BICD1: variants seen among roughly 807,000 people sequenced by gnomAD.
The protein encoded by BICD1 is BICD cargo adaptor 1, also known as protein bicaudal D homolog 1.
In BICD1, 35 loss-of-function variants were observed where a neutral mutation model predicts 92.5. The observed-to-expected ratio is 0.38, with a 90% CI of 0.29 to 0.50. The LOEUF (loss-of-function observed/expected upper bound fraction) is 0.50, where lower values mean the gene tolerates loss of function less well. Among genes scored for constraint, BICD1 ranks in the 20% least tolerant of loss-of-function variants. The pLI is 0.93. For missense variants in BICD1, 950 were observed against 1,189.8 expected (o/e 0.80, Z 2.97); for synonymous variants, 429 against 465.1 (o/e 0.92, Z 1.00).
intron 5 of BICD1, among the ~76,000 whole-genome samples, chr12:32,329,180 C>T (rs1937715346): frequency 2.6e-5 from 4 of 152,184 alleles, no homozygotes; most frequent in Admixed American, 2.0e-4. Context: ...TCTCTGCTCA[C>T]TGCAACCTCC....
rs78205955 is a variant in BICD1, at chr12:32,138,674, T to C, written c.213+31130T>C. On this transcript the variant is annotated intron_variant, in intron 1 of 9. Coordinates refer to ENST00000652176, the MANE Select transcript of BICD1 (RefSeq NM_001714.4). ...TTGTGTTAGGTGATTTTTGCCCAAA[T>C]ATAGGCTAATGTAAGTGTTTTGAGC... is the stretch of plus-strand genomic sequence containing the variant. 9.4e-3 allele frequency among the ~76,000 whole-genome samples: 1,438 copies of C among 152,314 alleles called. 24 individuals carry two copies. Among genetic ancestry groups the C allele is most frequent in the African/African-American group, 0.033 (1,361 of 41,560 alleles).
intron 2 of BICD1, among the ~76,000 whole-genome samples, chr12:32,222,888 A>G (rs752784265): frequency 3.3e-5 from 5 of 152,218 alleles, no homozygotes; most frequent in Admixed American, 2.6e-4. Flanking sequence ...CTCACCAGAC[A>G]CTGAACCTGC....
chr12:32,152,256 C>CTT (rs34386503), intron 1 of BICD1, among the ~76,000 whole-genome samples: 23,757 of 146,002 alleles, frequency 0.16, 2,003 homozygotes, highest in East Asian at 0.3. Context: ...TTTTTTTTAA[C>CTT]TTTTTTTTTT....
intron 4 of BICD1, among the ~76,000 whole-genome samples, chr12:32,308,959 C>T (rs1308389776): frequency 1.3e-5 from 2 of 152,120 alleles, no homozygotes; most frequent in African/African-American, 4.8e-5. Context: ...ACAACACTAA[C>T]TGTAAATTTT....
intron 1 of BICD1, among the ~76,000 whole-genome samples, chr12:32,149,020 CA>C (rs35156666): frequency 6.8e-6 from 1 of 147,024 alleles, no homozygotes. Flanking sequence ...GCTCTGTCTC[CA>C]AAAAAAAAAA....
At chr12:32,314,748 G>C (rs949818316) in intron 4 of BICD1, among the ~76,000 whole-genome samples, 2 of 147,248 alleles carry the variant, frequency 1.4e-5, no homozygotes, top group African/African-American at 2.5e-5. Flanking sequence ...GGTGTCCTTT[G>C]ATGTACAAAG....
intron 1 of BICD1, among the ~76,000 whole-genome samples, chr12:32,189,758 G>GT (rs1378434870): frequency 6.6e-6 from 1 of 151,222 alleles, no homozygotes; most frequent in Non-Finnish European, 1.5e-5. Flanking sequence ...GAGTGCAGTG[G>GT]TGCAATCTCG....
rs75485151 is a variant in BICD1, at chr12:32,279,528, A to T, written c.427-14466A>T. ...AATAATGTGTTCTTTTGCACAAAGA[A>T]GAAAAAATAGAAATCAGAATGTAAG... is the stretch of plus-strand genomic sequence containing the variant. On this transcript the variant is annotated intron_variant, in intron 2 of 9. Coordinates refer to ENST00000652176, the MANE Select transcript of BICD1 (RefSeq NM_001714.4). 7.7e-3 allele frequency among the ~76,000 whole-genome samples: 1,171 copies of T among 152,376 alleles called. 15 individuals carry two copies. The highest frequency in any genetic ancestry group is 0.027 in the African/African-American group (1,121 of 41,588).
chr12:32,183,403 T>G (rs1475170761), intron 1 of BICD1, among the ~76,000 whole-genome samples: 1 of 152,036 alleles, frequency 6.6e-6, no homozygotes, highest in African/African-American at 2.4e-5. Flanking sequence ...TAGCTGAGAT[T>G]ACAGGCACGC....
chr12:32,215,038 G>A (rs1649812355), intron 1 of BICD1, among the ~76,000 whole-genome samples: 1 of 152,124 alleles, frequency 6.6e-6, no homozygotes. Context: ...AGACCAGCCT[G>A]GCCAACAAGG....
chr12:32,377,925 T>C lies in BICD1; in HGVS notation c.*298T>C, dbSNP rs1265566642. On this transcript the variant is annotated 3_prime_UTR_variant, in exon 10 of 10. Transcript: ENST00000652176. ...AAAACGTGTCTCAGATGGCTGGCTT[T>C]ACCTCGATAGCATAAGAGAGACCTA... The C allele has an allele frequency of 3.4e-6, 1 of 298,192 alleles. No individual in the cohort carries two copies. The highest frequency in any genetic ancestry group is 2.1e-5 in the African/African-American group (1 of 46,860). The allele number at this position is 298,192 out of a possible 1,614,324, so 18.5% of individuals were successfully genotyped here.
chr12:32,252,947 T>C (rs1348204696), intron 2 of BICD1, among the ~76,000 whole-genome samples: 1 of 152,084 alleles, frequency 6.6e-6, no homozygotes, highest in African/African-American at 2.4e-5. Flanking sequence ...TCATGGCTCA[T>C]TGCAACCTCT....
At chr12:32,273,407 G>C (rs958543766) in intron 2 of BICD1, among the ~76,000 whole-genome samples, 3 of 152,216 alleles carry the variant, frequency 2.0e-5, no homozygotes, top group African/African-American at 7.2e-5. Flanking sequence ...AGCAGACACA[G>C]AGGGGGCTGA....
At chr12:32,367,494 A>G in intron 8 of BICD1, 176 bp from the exon 9 acceptor site, 1 of 517,842 alleles carries the variant, frequency 1.9e-6, no homozygotes, top group Non-Finnish European at 3.4e-6. Context: ...AAAAAAAAAA[A>G]GCCTGTCTTT....
chr12:32,346,655 T>C lies in BICD1; in HGVS notation c.2764+7676T>C, dbSNP rs369540544. On this transcript the variant is annotated intron_variant, in intron 8 of 9. Coordinates refer to ENST00000652176, the MANE Select transcript of BICD1 (RefSeq NM_001714.4). Reference sequence around the variant, plus strand: ...ATATACGTGTATATATATATATATATATACACACACACACGCACACACACA... The same window carrying C: ...ATATACGTGTATATATATATATATACATACACACACACACGCACACACACA... 6.4e-3 allele frequency among the ~76,000 whole-genome samples: 167 copies of C among 26,246 alleles called. 9 individuals are homozygous for C. Among genetic ancestry groups the C allele is most frequent in the African/African-American group, 0.024 (149 of 6,310 alleles). The allele number at this position is 26,246 out of a possible 152,430, so 17.2% of individuals were successfully genotyped here. A position where few individuals can be genotyped will look rare whatever the true frequency, so the allele number is the denominator to read the frequency against.
In BICD1 at chr12:32,221,356, A is replaced by AAATAAATAAAT. The variant is rs10687306; in HGVS notation, c.426+4899_426+4900insTAAATAAATAA. 4.2e-3 allele frequency among the ~76,000 whole-genome samples: 636 copies of AAATAAATAAAT among 149,840 alleles called. 5 individuals are homozygous for AAATAAATAAAT. Among genetic ancestry groups the AAATAAATAAAT allele is most frequent in the African/African-American group, 0.014 (581 of 40,870 alleles). ...CGTTATCTGTATCACAAAAAATAAA[A>AAATAAATAAAT]AAATAAATAAATAAATAAATAAAAA... On this transcript the variant is annotated intron_variant, in intron 2 of 9. Coordinates refer to ENST00000652176, the MANE Select transcript of BICD1 (RefSeq NM_001714.4).
In BICD1 at chr12:32,118,093, T is replaced by TTTATTTTATTTTATTTTATTTTA. The variant is rs1555126600; in HGVS notation, c.213+10551_213+10552insATTTTATTTTATTTTATTTTATT. 3.7e-3 allele frequency among the ~76,000 whole-genome samples: 550 copies of TTTATTTTATTTTATTTTATTTTA among 150,530 alleles called. 12 individuals are homozygous for TTTATTTTATTTTATTTTATTTTA. The highest frequency in any genetic ancestry group is 0.013 in the African/African-American group (519 of 40,814). ...TTTTATTTTATTTTATTTTATTTAT[T>TTTATTTTATTTTATTTTATTTTA]TTTTTTGAGATGGAGTCTCACTCTG... On this transcript the variant is annotated intron_variant, in intron 1 of 9. Coordinates refer to ENST00000652176, the MANE Select transcript of BICD1 (RefSeq NM_001714.4).
At chr12:32,292,521 G>A (rs995503864) in intron 2 of BICD1, among the ~76,000 whole-genome samples, 19 of 152,178 alleles carry the variant, frequency 1.2e-4, no homozygotes, top group African/African-American at 2.2e-4. Flanking sequence ...AACTTTACAT[G>A]CAGAATCATA....
intron 1 of BICD1, among the ~76,000 whole-genome samples, chr12:32,193,767 A>G (rs1048040852): frequency 1.3e-5 from 2 of 152,346 alleles, no homozygotes; most frequent in Admixed American, 1.3e-4. Flanking sequence ...GGTGAGTTCT[A>G]CTATGCGTTT....
Sources: gnomAD v4.1 joint callset for allele counts (sites outside exome capture counted in the v4.1 genomes callset) on GRCh38, gnomAD v4.1.1 for gene constraint, MANE v1.5 for transcripts, NCBI Gene and HGNC (gene_info 2026-07-23, HGNC 2026-07-21) for gene names.